Variants in PPP1R3A observed in about 807,000 individuals in gnomAD.
PPP1R3A encodes the protein RG1.
PPP1R3A carries 29 observed loss-of-function variants against 41.7 expected under a neutral mutation model. That is an observed-to-expected ratio of 0.70 (90% CI 0.52 to 0.95). The LOEUF (loss-of-function observed/expected upper bound fraction) is 0.95, where lower values mean the gene tolerates loss of function less well. Ranked by LOEUF, PPP1R3A falls within the 40% of genes least tolerant of loss-of-function variation. The pLI is 0.00. For synonymous variants in PPP1R3A, 485 were observed against 453.4 expected (o/e 1.07, Z -0.89); for missense variants, 1,352 against 1,292.4 (o/e 1.05, Z -0.71).
chr7:113,896,699 A>G (rs1002531862), intron 1 of PPP1R3A, among the ~76,000 whole-genome samples: 6 of 151,834 alleles, frequency 4.0e-5, no homozygotes, highest in African/African-American at 1.4e-4. Context: ...CAATTAAATC[A>G]AGTAAGAGTA....
chr7:113,879,262 T>C lies in PPP1R3A; in HGVS notation c.1830A>G (p.Leu610=). 6.2e-7 allele frequency: 1 copy of C among 1,613,702 alleles called. No individual in the cohort carries two copies. Among genetic ancestry groups the C allele is most frequent in the African/African-American group, 1.3e-5 (1 of 75,010 alleles). Reference sequence around the variant, plus strand: ...AACAAACTTGACCAGTTATCCCTCCTAAAGCGCTGCCTTCACTAGTCAAAT... The same window carrying C: ...AACAAACTTGACCAGTTATCCCTCCCAAAGCGCTGCCTTCACTAGTCAAAT... ...HHHLTSEGSA[L]GGITGQVCSS... is the part of the protein sequence containing the mutation. The change falls in exon 4 of 4, where the codon TTA becomes TTG. Residue 610 remains leucine (L), a synonymous_variant. Coordinates refer to ENST00000284601, the MANE Select transcript of PPP1R3A (RefSeq NM_002711.4).
intron 1 of PPP1R3A, among the ~76,000 whole-genome samples, chr7:113,898,756 G>A (rs1797016063): frequency 6.6e-6 from 1 of 151,782 alleles, no homozygotes; most frequent in Admixed American, 6.6e-5. Context: ...TAAAGTGCCT[G>A]CTTCAGAAAG....
intron 1 of PPP1R3A, among the ~76,000 whole-genome samples, chr7:113,900,625 T>C (rs546386242): frequency 6.2e-4 from 93 of 148,868 alleles, no homozygotes; most frequent in African/African-American, 2.1e-3. Context: ...GTATATATTA[T>C]TGTATATATG....
At chr7:113,894,308 A>G (rs1168052150) in intron 1 of PPP1R3A, among the ~76,000 whole-genome samples, 2 of 152,050 alleles carry the variant, frequency 1.3e-5, no homozygotes, top group Non-Finnish European at 2.9e-5. Context: ...CAACCTGCCA[A>G]TCATATTCAA....
At position 113,878,379 on chromosome 7, in the gene PPP1R3A, C is replaced by A. The variant is rs1799999; in HGVS notation, c.2713G>T (p.Asp905Tyr). The A allele has an allele frequency of 0.14, 233,189 of 1,611,778 alleles. 29,281 individuals are homozygous for A. Among genetic ancestry groups the A allele is most frequent in the East Asian group, 0.69 (30,730 of 44,798 alleles). ...DAIVHSAFNS[D>Y]TNRAPQNSSP... The stretch of plus-strand genomic sequence containing the variant: ...CTATTCTGAGGAGCTCTATTAGTGT[C>A]TGAGTTAAAAGCAGAATGCACAATG... The change falls in exon 4 of 4, where the codon GAC becomes TAC. Residue 905 changes from aspartate to tyrosine, a missense_variant. By Grantham distance (160) the Asp-to-Tyr change is radical. Transcript: ENST00000284601.
intron 3 of PPP1R3A, among the ~76,000 whole-genome samples, 179 bp from the exon 4 acceptor site, chr7:113,880,304 T>C (rs1310944605): frequency 1.3e-5 from 2 of 152,014 alleles, no homozygotes; most frequent in Non-Finnish European, 2.9e-5. Context: ...CCTTGCAGGC[T>C]ATGACTGGGG....
chr7:113,898,082 A>C (rs1465285628), intron 1 of PPP1R3A, among the ~76,000 whole-genome samples: 1 of 151,752 alleles, frequency 6.6e-6, no homozygotes, highest in East Asian at 1.9e-4. Context: ...TCTATTGGAT[A>C]TGATACCAAT....
At chr7:113,914,831 T>C (rs1216233005) in intron 1 of PPP1R3A, among the ~76,000 whole-genome samples, 5 of 152,258 alleles carry the variant, frequency 3.3e-5, no homozygotes, top group South Asian at 4.1e-4. Context: ...ATTGCTAGCA[T>C]GTAGGAGAGC....
intron 1 of PPP1R3A, among the ~76,000 whole-genome samples, chr7:113,889,313 C>T (rs1011249784): frequency 4.6e-5 from 7 of 152,112 alleles, no homozygotes; most frequent in Non-Finnish European, 8.8e-5. Flanking sequence ...CTACTATTTA[C>T]ATAACTCTTA....
chr7:113,907,475 A>G (rs1797165831), intron 1 of PPP1R3A, among the ~76,000 whole-genome samples: 1 of 151,570 alleles, frequency 6.6e-6, no homozygotes, highest in South Asian at 2.1e-4. Flanking sequence ...TTCTTCATCT[A>G]TAACTACCTC....
intron 1 of PPP1R3A, among the ~76,000 whole-genome samples, chr7:113,908,325 CGT>C (rs935000774): frequency 2.6e-5 from 4 of 151,790 alleles, no homozygotes; most frequent in African/African-American, 9.7e-5. Flanking sequence ...GTGAAAAGCT[CGT>C]GTGTGCACAC....
intron 1 of PPP1R3A, among the ~76,000 whole-genome samples, chr7:113,904,545 G>A (rs1171980632): frequency 6.6e-6 from 1 of 151,682 alleles, no homozygotes; most frequent in African/African-American, 2.4e-5. Flanking sequence ...TTATACATGA[G>A]ATGAGATTCT....
rs375771277 is a variant in PPP1R3A, at chr7:113,886,425, C to T, written c.783-4105G>A. On this transcript the variant is annotated intron_variant, in intron 1 of 3. Transcript: ENST00000284601. ...CTGCTGCCACCCATGTAAGATGTGACTTGCTCCTCCTTGCCTTCTGCCATG... is the reference window on the plus strand; with the variant it reads ...CTGCTGCCACCCATGTAAGATGTGATTTGCTCCTCCTTGCCTTCTGCCATG... 1.1e-4 allele frequency among the ~76,000 whole-genome samples: 16 copies of T among 152,256 alleles called. No individual in the cohort carries two copies. The East Asian group carries it at 2.9e-3, about 28-fold the overall frequency.
chr7:113,891,049 T>G (rs1292581790), intron 1 of PPP1R3A, among the ~76,000 whole-genome samples: 1 of 141,032 alleles, frequency 7.1e-6, no homozygotes, highest in Non-Finnish European at 1.5e-5. Context: ...GTTAGTGTTC[T>G]TTCCATAAAG....
rs752856039 is a variant in PPP1R3A at position 113,878,794 on chromosome 7, G to A, written c.2298C>T (p.Ile766=). The change falls in exon 4 of 4, where the codon ATC becomes ATT. Residue 766 remains isoleucine, a synonymous_variant. Transcript: ENST00000284601. ...PQETARSDRP[I]EVKETAFDPH... ...GATCAAACGCTGTTTCCTTTACCTC[G>A]ATGGGCCTGTCACTTCGTGCTGTCT... The A allele has an allele frequency of 7.4e-6, 12 of 1,613,458 alleles. No homozygotes were observed. The South Asian group carries it at 1.1e-4, about 15-fold the overall frequency.
chr7:113,911,341 A>T (rs1182841901), intron 1 of PPP1R3A, among the ~76,000 whole-genome samples: 1 of 152,132 alleles, frequency 6.6e-6, no homozygotes, highest in Non-Finnish European at 1.5e-5. Context: ...GATTTGAGAG[A>T]TAATACTCTG....
rs1160013805 is a variant in PPP1R3A at position 113,918,574 on chromosome 7, A to G, written c.423T>C (p.Ser141=). 1.2e-6 allele frequency: 2 copies of G among 1,613,294 alleles called. No individual in the cohort carries two copies. The highest frequency in any genetic ancestry group is 4.5e-5 in the East Asian group (2 of 44,856). Residue 141 remains serine (S), a synonymous_variant, in exon 1 of 4, where the codon AGT becomes AGC. Transcript: ENST00000284601. ...ESTESLLGST[S]IKGIIRVLNV... is the part of the protein sequence containing the mutation. Reference sequence around the variant, plus strand: ...TCAAAACTCGAATAATACCCTTGATACTTGTAGACCCAAGAAGAGACTCAG... The same window carrying G: ...TCAAAACTCGAATAATACCCTTGATGCTTGTAGACCCAAGAAGAGACTCAG...
intron 1 of PPP1R3A, among the ~76,000 whole-genome samples, chr7:113,888,845 G>A (rs1404392541): frequency 6.6e-6 from 1 of 152,106 alleles, no homozygotes; most frequent in African/African-American, 2.4e-5. Flanking sequence ...AGGCCCCCTG[G>A]GGCATTCTAC....
intron 1 of PPP1R3A, among the ~76,000 whole-genome samples, chr7:113,882,753 C>T (rs1419764460): frequency 6.6e-6 from 1 of 151,822 alleles, no homozygotes; most frequent in African/African-American, 2.4e-5. Flanking sequence ...GCTAACATTT[C>T]AATTAATTTT....
Sources: gnomAD v4.1 joint callset for allele counts (sites outside exome capture counted in the v4.1 genomes callset) on GRCh38, gnomAD v4.1.1 for gene constraint, MANE v1.5 for transcripts, NCBI Gene and HGNC (gene_info 2026-07-23, HGNC 2026-07-21) for gene names.